The following WNK3 variants were observed in gnomAD, a reference collection of about 807,000 sequenced individuals.
The protein encoded by WNK3 is WNK lysine deficient protein kinase 3, also known as serine/threonine-protein kinase WNK3.
In WNK3, 18 loss-of-function variants were observed where a neutral mutation model predicts 116.7. The ratio of observed to expected loss-of-function variants is 0.15; its 90% confidence interval spans 0.11 to 0.23. The LOEUF is 0.23. WNK3 is among the 10% of genes least tolerant of loss of function. The pLI is 1.00. For synonymous variants in WNK3, 404 were observed against 469.4 expected (o/e 0.86, Z 1.80); for missense variants, 993 against 1,323.8 (o/e 0.75, Z 3.88).
chrX:54,266,649 C>CA (rs1360143698), intron 10 of WNK3, among the ~76,000 whole-genome samples: 1 of 110,714 alleles, frequency 9.0e-6, no homozygotes, highest in Non-Finnish European at 1.9e-5. Flanking sequence ...GCAATACTCC[C>CA]ACTTCAGCCT....
At chrX:54,198,772 T>C in intron 23 of WNK3, 119 bp from the exon 24 acceptor site, 2 of 578,228 alleles carry the variant, frequency 3.5e-6, no homozygotes, top group Non-Finnish European at 5.1e-6. Flanking sequence ...TATTCCTTCC[T>C]AGTCTTTTTG....
At chrX:54,298,519 A>G in intron 6 of WNK3, 125 bp from the exon 7 acceptor site, 1 of 514,034 alleles carries the variant, frequency 1.9e-6, no homozygotes, top group Non-Finnish European at 3.1e-6. Context: ...TTAATCATTA[A>G]TCTGCCTTGT....
At chrX:54,316,539 CAAAAA>C (rs781865793) in intron 2 of WNK3, among the ~76,000 whole-genome samples, 1 of 35,541 alleles carries the variant, frequency 2.8e-5, no homozygotes. Context: ...GACTCCATCT[CAAAAA>C]AAAAAAAAAA....
intron 10 of WNK3, among the ~76,000 whole-genome samples, chrX:54,292,030 T>A (rs2068645057): frequency 9.0e-6 from 1 of 111,454 alleles, no homozygotes; most frequent in Admixed American, 9.6e-5. Flanking sequence ...CAGGATATAG[T>A]CTTAATATAT....
At position 54,250,932 on chromosome X, in the gene WNK3, G is replaced by T. The variant is rs782749103; in HGVS notation, c.2575+467C>A. On this transcript the variant is annotated intron_variant, in intron 15 of 23. Transcript: ENST00000354646. Reference sequence around the variant, plus strand: ...AGTTTTCGCTTCTGGAAGTTTATCTGGTATCTGATTTACTAAAAGTTATCA... The same window carrying T: ...AGTTTTCGCTTCTGGAAGTTTATCTTGTATCTGATTTACTAAAAGTTATCA... 9.0e-5 allele frequency among the ~76,000 whole-genome samples: 10 copies of T among 111,188 alleles called. No homozygotes were observed. In the South Asian group the frequency reaches 1.9e-3, roughly 21 times the overall value.
In WNK3 at chrX:54,283,507, C is replaced by T. The variant is rs1557163173; in HGVS notation, c.2037+9381G>A. On this transcript the variant is annotated intron_variant, in intron 10 of 23. Coordinates refer to ENST00000354646, the Ensembl canonical transcript of WNK3. ...CAGATGGGCTGGGTGCAGTGGCTCA[C>T]GCCTGTAATCCCAGCACTTTGGGAG... 4.5e-5 allele frequency among the ~76,000 whole-genome samples: 5 copies of T among 110,904 alleles called. No individual in the cohort carries two copies. In the East Asian group the frequency reaches 8.5e-4, roughly 19 times the overall value.
chrX:54,309,387 G>T, intron 3 of WNK3, 72 bp from the exon 4 acceptor site: 1 of 808,835 alleles, frequency 1.2e-6, no homozygotes. Flanking sequence ...ATTAAGGTAA[G>T]TTACATAAGC....
intron 4 of WNK3, 115 bp from the exon 5 acceptor site, chrX:54,308,194 T>C (rs1484607594): frequency 3.2e-5 from 22 of 682,065 alleles, no homozygotes; most frequent in Non-Finnish European, 4.1e-5. Flanking sequence ...CCAAAGCAAA[T>C]TTCTTTTTTT....
At chrX:54,302,757 ATTTTT>A (rs782811375) in intron 5 of WNK3, among the ~76,000 whole-genome samples, 41 of 43,357 alleles carry the variant, frequency 9.5e-4, no homozygotes, top group Admixed American at 1.6e-3. Flanking sequence ...ATATATATAT[ATTTTT>A]TTTTTTTTTT....
At chrX:54,214,160 T>G (rs1183833919) in intron 22 of WNK3, among the ~76,000 whole-genome samples, 1 of 110,548 alleles carries the variant, frequency 9.0e-6, no homozygotes, top group Admixed American at 9.7e-5. Flanking sequence ...TTTTTGTATT[T>G]TTAGTAGACA....
intron 12 of WNK3, among the ~76,000 whole-genome samples, chrX:54,254,971 T>G (rs1455516877): frequency 9.0e-6 from 1 of 110,865 alleles, no homozygotes; most frequent in African/African-American, 3.3e-5. Context: ...GCAACTTACT[T>G]CGCTCCTCTG....
chrX:54,325,337 A>G (rs1280578917), intron 2 of WNK3, among the ~76,000 whole-genome samples: 1 of 111,370 alleles, frequency 9.0e-6, no homozygotes, highest in Non-Finnish European at 1.9e-5. Flanking sequence ...TTTCAGAAAA[A>G]GTCAACAAAA....
intron 6 of WNK3, among the ~76,000 whole-genome samples, chrX:54,298,985 G>A (rs2068727380): frequency 1.8e-5 from 2 of 112,192 alleles, no homozygotes; most frequent in Admixed American, 1.9e-4. Flanking sequence ...AGTGGTTTTC[G>A]TATTTAACTC....
At chrX:54,301,886 A>G in intron 5 of WNK3, 27 bp from the exon 6 acceptor site, 2 of 1,078,926 alleles carry the variant, frequency 1.9e-6, no homozygotes, top group Non-Finnish European at 2.6e-6. Flanking sequence ...GTTTCTAGTA[A>G]CAATGATGCA....
At chrX:54,344,902 C>CCACT (rs1184482725) in intron 1 of WNK3, among the ~76,000 whole-genome samples, 1 of 97,785 alleles carries the variant, frequency 1.0e-5, no homozygotes, top group Non-Finnish European at 2.0e-5. Flanking sequence ...GGAGATCGTG[C>CCACT]CACTGCATTC....
At chrX:54,212,213 G>A (rs1445597110) in intron 22 of WNK3, among the ~76,000 whole-genome samples, 4 of 112,221 alleles carry the variant, frequency 3.6e-5, no homozygotes, top group Admixed American at 2.8e-4. Context: ...GGGACAGAGC[G>A]AGACTCCGTC....
At chrX:54,210,619 C>T (rs1412976084) in intron 22 of WNK3, among the ~76,000 whole-genome samples, 1 of 110,960 alleles carries the variant, frequency 9.0e-6, no homozygotes, top group Non-Finnish European at 1.9e-5. Context: ...AAAGCAAGAC[C>T]CTGTCTCTAA....
chrX:54,208,520 G>A (rs1035503533), intron 22 of WNK3, among the ~76,000 whole-genome samples: 2 of 111,162 alleles, frequency 1.8e-5, no homozygotes, highest in South Asian at 3.8e-4. Flanking sequence ...GATTACAGGC[G>A]TGTGCCACCA....
intron 22 of WNK3, among the ~76,000 whole-genome samples, chrX:54,222,939 TAAAA>T (rs10591701): frequency 1.0e-3 from 92 of 89,701 alleles, no homozygotes; most frequent in African/African-American, 3.8e-3. Flanking sequence ...TATATATATA[TAAAA>T]AAAGACACAA....
Sources: allele counts gnomAD v4.1 joint callset (sites outside exome capture counted in the v4.1 genomes callset), GRCh38; gene constraint gnomAD v4.1.1; transcripts MANE v1.5; gene names NCBI Gene and HGNC (gene_info 2026-07-23, HGNC 2026-07-21).